Variants in TRIP10 observed in about 807,000 individuals in gnomAD.
The protein encoded by TRIP10 is cdc42-interacting protein 4.
In TRIP10, 54 loss-of-function variants were observed where a neutral mutation model predicts 80.9. That is an observed-to-expected ratio of 0.67 (90% CI 0.54 to 0.84). The LOEUF (loss-of-function observed/expected upper bound fraction) is 0.84, where lower values mean the gene tolerates loss of function less well. TRIP10 is among the 40% of genes least tolerant of loss of function. The pLI, the probability that TRIP10 is intolerant of heterozygous loss-of-function variation, is 0.00. For synonymous variants in TRIP10, 321 were observed against 307.2 expected, an observed-to-expected ratio of 1.04 and a Z score of -0.47; for missense variants, 773 against 815.3, an observed-to-expected ratio of 0.95 and a Z score of 0.63.
intron 3 of TRIP10, among the ~76,000 whole-genome samples, chr19:6,741,840 C>G (rs1370598205): frequency 6.6e-6 from 1 of 152,022 alleles, no homozygotes; most frequent in East Asian, 1.9e-4. Context: ...TTGTTTTTGA[C>G]AGAGTTTCAC....
At chr19:6,740,876 G>A in intron 1 of TRIP10, 134 bp from the exon 2 acceptor site, 3 of 711,568 alleles carry the variant, frequency 4.2e-6, no homozygotes, top group Non-Finnish European at 6.8e-6. Flanking sequence ...CCACGCCGGG[G>A]CGGCGCCGGG....
intron 3 of TRIP10, among the ~76,000 whole-genome samples, chr19:6,742,406 G>A (rs950297294): frequency 2.6e-5 from 4 of 151,742 alleles, no homozygotes; most frequent in African/African-American, 7.3e-5. Flanking sequence ...AAATAGATAC[G>A]GTGTTTGATT....
intron 5 of TRIP10, 35 bp downstream of exon 5, chr19:6,743,291 G>A: frequency 6.2e-7 from 1 of 1,610,906 alleles, no homozygotes; most frequent in Non-Finnish European, 8.5e-7. Context: ...CTGTGGCCCG[G>A]AGGCATGGGG....
intron 11 of TRIP10, 47 bp from the exon 12 acceptor site, chr19:6,749,885 ACT>A: frequency 3.2e-6 from 5 of 1,583,392 alleles, no homozygotes; most frequent in Non-Finnish European, 4.3e-6. Context: ...CAACAAAAAA[ACT>A]CACACGGAAG....
Position 6,746,008 on chromosome 19 carries a change from C to T in TRIP10, c.985-21C>T, listed in dbSNP as rs1418395281. On this transcript the variant is annotated intron_variant, in intron 9 of 14. Transcript: ENST00000313244. This position sits in a 1 kb window ranked among gnomAD's most constrained non-coding sequence, Gnocchi z 6.2. ...CCCCCCACCCCTTCAACCTATCCCCCTCCCCGGCCCCCGCCGGTAGCCTCG... is the reference window on the plus strand; with the variant it reads ...CCCCCCACCCCTTCAACCTATCCCCTTCCCCGGCCCCCGCCGGTAGCCTCG... 3.0e-6 allele frequency: 3 copies of T among 991,070 alleles called. No individual in the cohort carries two copies. The highest frequency in any genetic ancestry group is 3.9e-6 in the Non-Finnish European group (3 of 764,120). 61.4% of individuals were successfully genotyped at this position (991,070 alleles called of 1,614,324 possible). A position where few individuals can be genotyped will look rare whatever the true frequency, so the allele number is the denominator to read the frequency against.
intron 1 of TRIP10, 39 bp from the exon 2 acceptor site, chr19:6,740,971 G>C: frequency 2.0e-6 from 3 of 1,530,658 alleles, no homozygotes; most frequent in Non-Finnish European, 2.7e-6. Context: ...TCGTGACCCC[G>C]GCCCCTCTCC....
chr19:6,739,865 G>C, intron 1 of TRIP10, 80 bp downstream of exon 1: 2 of 1,346,734 alleles, frequency 1.5e-6, no homozygotes, highest in Non-Finnish European at 1.9e-6. Context: ...GTATCTTAGA[G>C]GGGGCTCCGC....
intron 3 of TRIP10, among the ~76,000 whole-genome samples, 188 bp from the exon 4 acceptor site, chr19:6,742,779 C>CAA (rs151261595): frequency 0.027 from 3,341 of 121,640 alleles, 86 homozygotes; most frequent in East Asian, 0.095. Flanking sequence ...GACCCTGTCT[C>CAA]AAAAAAAAAA....
intron 11 of TRIP10, among the ~76,000 whole-genome samples, chr19:6,749,246 A>G (rs143722147): frequency 0.01 from 1,589 of 152,168 alleles, 27 homozygotes; most frequent in African/African-American, 0.037. Flanking sequence ...CGGCCAGCCC[A>G]GTGTTATATT....
intron 3 of TRIP10, among the ~76,000 whole-genome samples, chr19:6,742,365 G>A (rs901187681): frequency 5.9e-5 from 9 of 152,136 alleles, no homozygotes; most frequent in Admixed American, 3.3e-4. Flanking sequence ...ACTCCAGCCT[G>A]GGCGACAGAG....
At chr19:6,740,515 T>TGTGTA (rs1968882032) in intron 1 of TRIP10, among the ~76,000 whole-genome samples, 2 of 152,094 alleles carry the variant, frequency 1.3e-5, no homozygotes, top group South Asian at 4.1e-4. Flanking sequence ...TTCTTTTGGA[T>TGTGTA]GTGTAGTGGG....
chr19:6,743,621 G>A (rs761088781), intron 6 of TRIP10, 23 bp downstream of exon 6: 3 of 1,379,032 alleles, frequency 2.2e-6, no homozygotes, highest in Non-Finnish European at 2.0e-6. Context: ...GGGGCGGGGG[G>A]GGGGTGCGGG....
chr19:6,743,665 G>A (rs756851867), intron 6 of TRIP10, 43 bp from the exon 7 acceptor site: 34 of 1,612,182 alleles, frequency 2.1e-5, no homozygotes, highest in East Asian at 2.2e-5. Flanking sequence ...CGAGTGGGAC[G>A]TGATCGGAAC....
chr19:6,747,023 C>T (rs975769324), intron 11 of TRIP10, among the ~76,000 whole-genome samples: 1 of 152,210 alleles, frequency 6.6e-6, no homozygotes, highest in African/African-American at 2.4e-5. Context: ...GTGATTCCTA[C>T]CACACTTAGT....
chr19:6,750,205 G>A (rs1969242111), intron 12 of TRIP10, 87 bp from the exon 13 acceptor site: 15 of 1,586,466 alleles, frequency 9.5e-6, no homozygotes, highest in Middle Eastern at 2.0e-4. Flanking sequence ...TTGGCTGTGC[G>A]TGGGTGATCT....
chr19:6,748,396 G>A (rs1473752367), intron 11 of TRIP10: 1 of 152,144 alleles, frequency 6.6e-6, no homozygotes, highest in Non-Finnish European at 1.5e-5. Context: ...CTAGAGTCAC[G>A]ACAAACTGGA....
At position 6,741,016 on chromosome 19, in the gene TRIP10, T is replaced by C. The variant is rs777293135; in HGVS notation, c.31T>C (p.Phe11Leu). MDWGTELWDQ[F>L]EVLERHTQWG... The stretch of plus-strand genomic sequence containing the variant: ...CCACCATGTCCCATGTCAGGATCAG[T>C]TCGAGGTGCTCGAGCGCCACACGCA... Residue 11 changes from phenylalanine (F) to leucine (L), a missense_variant, in exon 2 of 15, where the codon TTC becomes CTC. Coordinates refer to ENST00000313244, the MANE Select transcript of TRIP10 (RefSeq NM_001288962.2). 1.2e-6 allele frequency: 2 copies of C among 1,613,582 alleles called. No homozygotes were observed. The highest frequency in any genetic ancestry group is 4.5e-5 in the East Asian group (2 of 44,872).
Position 6,744,022 on chromosome 19 carries a change from T to C in TRIP10, c.642+186T>C. On this transcript the variant is annotated intron_variant, in intron 7 of 14. Coordinates refer to ENST00000313244, the MANE Select transcript of TRIP10 (RefSeq NM_001288962.2). This position sits in a 1 kb window ranked among gnomAD's most constrained non-coding sequence, Gnocchi z 4.9. ...CTTCCTGCTGGGCATGCCTTTTACT[T>C]GTTTGTTTATTTACTTCTATAGAGA... 6 of 810,084 alleles carry C rather than the reference T, an allele frequency of 7.4e-6. No individual in the cohort carries two copies. The South Asian group carries it at 1.1e-4, about 15-fold the overall frequency. The allele number at this position is 810,084 out of a possible 1,614,324, so 50.2% of individuals were successfully genotyped here.
At chr19:6,742,384 T>G (rs1157988122) in intron 3 of TRIP10, among the ~76,000 whole-genome samples, 1 of 152,012 alleles carries the variant, frequency 6.6e-6, no homozygotes, top group East Asian at 1.9e-4. Context: ...AGTGAGACTC[T>G]GTCTCCAAAA....
Sources: gnomAD v4.1 joint callset for allele counts (sites outside exome capture counted in the v4.1 genomes callset) on GRCh38, gnomAD v4.1.1 for gene constraint, Gnocchi (gnomAD v3.1) non-coding constraint, MANE v1.5 for transcripts, NCBI Gene and HGNC (gene_info 2026-07-23, HGNC 2026-07-21) for gene names.